The following PRIM2 variants were observed in gnomAD, a reference collection of about 807,000 sequenced individuals.
The protein encoded by PRIM2 is DNA primase subunit 2.
Under a neutral mutation model 67.3 loss-of-function variants are expected in PRIM2, and 39 were observed. The ratio of observed to expected loss-of-function variants is 0.58; its 90% CI spans 0.45 to 0.76. The LOEUF is 0.76. PRIM2 is among the 30% of genes least tolerant of loss of function. PRIM2 has a pLI of 0.00. For synonymous variants in PRIM2, 143 were observed against 198.7 expected (o/e 0.72, Z 2.36); for missense variants, 398 against 598.7 (o/e 0.66, Z 3.50).
chr6:57,422,092 CTT>C (rs201504114), intron 7 of PRIM2, among the ~76,000 whole-genome samples: 1 of 147,106 alleles, frequency 6.8e-6, no homozygotes, highest in Non-Finnish European at 1.5e-5. Context: ...TTATAGAACT[CTT>C]TTTTTTGCAT....
intron 13 of PRIM2, among the ~76,000 whole-genome samples, chr6:57,638,731 C>A (rs1217447259): frequency 6.6e-6 from 1 of 152,048 alleles, no homozygotes. Context: ...TATATATACA[C>A]CCAATACAGG....
At chr6:57,480,809 A>G (rs1773605281) in intron 7 of PRIM2, among the ~76,000 whole-genome samples, 2 of 152,120 alleles carry the variant, frequency 1.3e-5, no homozygotes, top group South Asian at 2.1e-4. Context: ...TTGTATTTTT[A>G]GTATAGACAG....
At chr6:57,592,193 G>A (rs1470076321) in intron 10 of PRIM2, among the ~76,000 whole-genome samples, 2 of 152,018 alleles carry the variant, frequency 1.3e-5, no homozygotes, top group African/African-American at 4.8e-5. Context: ...AAAGAAGAAG[G>A]GTTGAAAAAT....
At chr6:57,549,391 C>T (rs1403757853) in intron 10 of PRIM2, among the ~76,000 whole-genome samples, 1 of 152,094 alleles carries the variant, frequency 6.6e-6, no homozygotes, top group African/African-American at 2.4e-5. Context: ...TTATTCCAAA[C>T]CCTGAACTTC....
At position 57,324,503 on chromosome 6, in the gene PRIM2, C is replaced by T. The variant is rs531440859; in HGVS notation, c.338+223C>T. Among the ~76,000 whole-genome samples, 8 of 152,166 alleles carry T rather than the reference C, an allele frequency of 5.3e-5. No homozygotes were observed. The South Asian group carries it at 1.5e-3, about 28-fold the overall frequency. On this transcript the variant is annotated intron_variant, in intron 4 of 13. Coordinates refer to ENST00000615550, the MANE Select transcript of PRIM2 (RefSeq NM_000947.5). The stretch of plus-strand genomic sequence containing the variant: ...CAGAATTTTGCCTGATGAAACACTT[C>T]TTAAGTTTGTGAGATAGACTCTTCA...
the PRIM2 span, among the ~76,000 whole-genome samples, chr6:57,227,704 A>G: frequency 3.3e-5 from 5 of 151,978 alleles, no homozygotes; most frequent in Non-Finnish European, 5.9e-5. Flanking sequence ...TAAAATAAGT[A>G]GAAGGACTAT....
intron 5 of PRIM2, among the ~76,000 whole-genome samples, chr6:57,378,662 C>A (rs1280436446): frequency 6.6e-6 from 1 of 151,950 alleles, no homozygotes; most frequent in Non-Finnish European, 1.5e-5. Context: ...AATCAGGTAC[C>A]GCCTTAAAAC....
chr6:57,620,622 A>T (rs1284079743), intron 12 of PRIM2, among the ~76,000 whole-genome samples: 1 of 152,240 alleles, frequency 6.6e-6, no homozygotes, highest in Non-Finnish European at 1.5e-5. Flanking sequence ...TTTAAAGCAT[A>T]AATCTCACAG....
At chr6:57,311,566 C>G (rs966102895), upstream of PRIM2, among the ~76,000 whole-genome samples, 1 of 152,118 alleles carries the variant, frequency 6.6e-6, no homozygotes, top group African/African-American at 2.4e-5. Flanking sequence ...GGCAGAGGGG[C>G]TCCTTACATC....
intron 10 of PRIM2, among the ~76,000 whole-genome samples, chr6:57,548,021 G>T (rs1242118235): frequency 6.6e-6 from 1 of 152,164 alleles, no homozygotes; most frequent in Non-Finnish European, 1.5e-5. Context: ...GCCCACAATT[G>T]GTGGTTTAAC....
chr6:57,512,009 T>C (rs1189304867), intron 8 of PRIM2, among the ~76,000 whole-genome samples: 2 of 152,192 alleles, frequency 1.3e-5, no homozygotes, highest in African/African-American at 2.4e-5. Context: ...TGAAGGGTAC[T>C]GAATCGAACC....
At chr6:57,476,648 ATACT>A (rs1275183430) in intron 7 of PRIM2, among the ~76,000 whole-genome samples, 1 of 152,242 alleles carries the variant, frequency 6.6e-6, no homozygotes, top group Admixed American at 6.5e-5. Context: ...TTTCAGATGT[ATACT>A]TATAGTACTC....
intron 5 of PRIM2, among the ~76,000 whole-genome samples, chr6:57,352,599 A>G (rs1245995115): frequency 1.3e-5 from 2 of 152,128 alleles, no homozygotes; most frequent in African/African-American, 2.4e-5. Context: ...TTGGTTGAAT[A>G]TATGTTTTTC....
At chr6:57,325,886 A>C in intron 4 of PRIM2, 39 bp from the exon 5 acceptor site, 1 of 1,526,504 alleles carries the variant, frequency 6.6e-7, no homozygotes, top group South Asian at 1.3e-5. Flanking sequence ...TAATTACTGG[A>C]TTTTTAGTTT....
intron 7 of PRIM2, among the ~76,000 whole-genome samples, chr6:57,435,949 G>T (rs1308747589): frequency 6.6e-6 from 1 of 152,188 alleles, no homozygotes; most frequent in Non-Finnish European, 1.5e-5. Flanking sequence ...TACAGCTGAT[G>T]CTTGATTTGC....
chr6:57,426,058 T>A (rs1771614021), intron 7 of PRIM2, among the ~76,000 whole-genome samples: 1 of 152,210 alleles, frequency 6.6e-6, no homozygotes, highest in African/African-American at 2.4e-5. Flanking sequence ...TAATTGAAGA[T>A]GGAAAGTAAC....
the PRIM2 span, among the ~76,000 whole-genome samples, chr6:57,236,556 C>T: frequency 1.3e-5 from 2 of 151,902 alleles, no homozygotes; most frequent in African/African-American, 4.8e-5. Context: ...CTAATGCTAT[C>T]CCTCCCCTCT....
rs1310183894 is a variant in PRIM2 at position 57,471,055 on chromosome 6, C to G, written c.694-36332C>G. ...CAATAGCTGAGTTGGCTCCTTGTGACACAGATTTATAATGTTAGATATTAG... is the reference window on the plus strand; with the variant it reads ...CAATAGCTGAGTTGGCTCCTTGTGAGACAGATTTATAATGTTAGATATTAG... On this transcript the variant is annotated intron_variant, in intron 7 of 13. Transcript: ENST00000615550. Among the ~76,000 whole-genome samples, 35 of 152,132 alleles carry G rather than the reference C, an allele frequency of 2.3e-4. No homozygotes were observed. In the South Asian group the frequency reaches 6.9e-3, roughly 30 times the overall value.
intron 8 of PRIM2, among the ~76,000 whole-genome samples, chr6:57,521,426 A>G (rs1774622041): frequency 6.9e-6 from 1 of 145,232 alleles, no homozygotes; most frequent in Non-Finnish European, 1.5e-5. Context: ...GTGATTGCAA[A>G]AAATAGATAT....
Sources: gnomAD v4.1 joint callset for allele counts (sites outside exome capture counted in the v4.1 genomes callset) on GRCh38, gnomAD v4.1.1 for gene constraint, MANE v1.5 for transcripts, NCBI Gene and HGNC (gene_info 2026-07-23, HGNC 2026-07-21) for gene names.